The following NCAM2 variants were observed in gnomAD, a reference collection of about 807,000 sequenced individuals.
NCAM2 encodes neural cell adhesion molecule 2.
Under a neutral mutation model 98.1 loss-of-function variants are expected in NCAM2, and 30 were observed. The observed-to-expected ratio is 0.31, with a 90% CI of 0.23 to 0.41. The LOEUF (loss-of-function observed/expected upper bound fraction) is 0.41. NCAM2 is among the 10% of genes least tolerant of loss of function. The probability of loss-of-function intolerance (pLI) is 1.00; values close to 1 mark genes in which losing one functional copy is unlikely to be tolerated. For missense variants in NCAM2, 867 were observed against 1,005.8 expected, an observed-to-expected ratio of 0.86 and a Z score of 1.87; for synonymous variants, 368 against 342.4, an observed-to-expected ratio of 1.07 and a Z score of -0.83.
chr21:21,356,861 A>G (rs1174747916), intron 8 of NCAM2, among the ~76,000 whole-genome samples: 1 of 152,172 alleles, frequency 6.6e-6, no homozygotes, highest in Non-Finnish European at 1.5e-5. Context: ...GTGGTGGCAC[A>G]TGCCTGTAAT....
At chr21:21,518,677 A>T (rs1027086739) in intron 16 of NCAM2, among the ~76,000 whole-genome samples, 6 of 151,660 alleles carry the variant, frequency 4.0e-5, no homozygotes, top group African/African-American at 7.3e-5. Context: ...GTATAGATAG[A>T]GATATATATT....
Position 21,168,697 on chromosome 21 carries a change from A to C in NCAM2, c.56-111881A>C, listed in dbSNP as rs559453245. ...TGAAACTAAAACACATTACTATATTAATACTTTCCAAAATGAAATATTAGA... is the reference window on the plus strand; with the variant it reads ...TGAAACTAAAACACATTACTATATTCATACTTTCCAAAATGAAATATTAGA... On this transcript the variant is annotated intron_variant, in intron 1 of 17. Transcript: ENST00000400546. Among the ~76,000 whole-genome samples, 7 of 151,900 alleles carry C rather than the reference A, an allele frequency of 4.6e-5. No homozygotes were observed. In the South Asian group the frequency reaches 1.5e-3, roughly 32 times the overall value.
At chr21:21,079,571 T>C (rs944058468) in intron 1 of NCAM2, among the ~76,000 whole-genome samples, 2 of 152,192 alleles carry the variant, frequency 1.3e-5, no homozygotes, top group African/African-American at 4.8e-5. Flanking sequence ...GAAAATTCTC[T>C]TGCCCCCTTT....
intron 1 of NCAM2, among the ~76,000 whole-genome samples, chr21:21,145,267 A>T (rs2067247914): frequency 6.6e-6 from 1 of 152,194 alleles, no homozygotes; most frequent in African/African-American, 2.4e-5. Flanking sequence ...TATAACAAGA[A>T]AAACAACAAA....
At chr21:21,001,963 G>T (rs1374982053) in intron 1 of NCAM2, among the ~76,000 whole-genome samples, 1 of 152,124 alleles carries the variant, frequency 6.6e-6, no homozygotes, top group South Asian at 2.1e-4. Context: ...TTACAGGAGA[G>T]AGCTCCACAA....
intron 6 of NCAM2, among the ~76,000 whole-genome samples, chr21:21,335,071 G>T (rs2074822986): frequency 6.6e-6 from 1 of 152,036 alleles, no homozygotes; most frequent in Non-Finnish European, 1.5e-5. Context: ...TGAAGCTTCT[G>T]TGAAGAAATT....
intron 1 of NCAM2, among the ~76,000 whole-genome samples, chr21:21,219,838 G>A (rs2070066434): frequency 6.6e-6 from 1 of 152,128 alleles, no homozygotes; most frequent in South Asian, 2.1e-4. Context: ...GACACGGTGT[G>A]GAGGTAAAAG....
chr21:21,436,561 T>C (rs1409138163), intron 12 of NCAM2, among the ~76,000 whole-genome samples: 1 of 152,160 alleles, frequency 6.6e-6, no homozygotes, highest in Non-Finnish European at 1.5e-5. Flanking sequence ...TTCTCCTAGT[T>C]TATAAACTCC....
intron 1 of NCAM2, among the ~76,000 whole-genome samples, chr21:21,163,674 A>G (rs557407788): frequency 1.7e-4 from 26 of 152,168 alleles, no homozygotes; most frequent in Admixed American, 5.2e-4. Flanking sequence ...TTTTGTTTCT[A>G]TTTGTTTGCT....
chr21:21,236,314 C>T (rs1045974515), intron 1 of NCAM2, among the ~76,000 whole-genome samples: 1 of 152,018 alleles, frequency 6.6e-6, no homozygotes, highest in Non-Finnish European at 1.5e-5. Context: ...TCCCTCTATT[C>T]TCCATGGTGG....
chr21:21,468,352 T>C (rs1983992516), intron 13 of NCAM2, among the ~76,000 whole-genome samples: 1 of 151,100 alleles, frequency 6.6e-6, no homozygotes, highest in Non-Finnish European at 1.5e-5. Context: ...TTAATACTAT[T>C]AATAATAAGA....
Position 21,343,352 on chromosome 21 carries a change from T to TACACACACACACAC in NCAM2, c.1044+4823_1044+4824insCACACACACACACA, listed in dbSNP as rs1207234552. ...AGGACACCAAGTTAACAACTATCTA[T>TACACACACACACAC]ACACATACACACACACACACACACA... On this transcript the variant is annotated intron_variant, in intron 8 of 17. Transcript: ENST00000400546. Among the ~76,000 whole-genome samples, 784 of 110,086 alleles carry TACACACACACACAC rather than the reference T, an allele frequency of 7.1e-3. 6 individuals carry two copies. The highest frequency in any genetic ancestry group is 0.016 in the East Asian group (75 of 4,626). The allele number at this position is 110,086 out of a possible 152,430, so 72.2% of individuals were successfully genotyped here. A position where few individuals can be genotyped will look rare whatever the true frequency, so the allele number is the denominator to read the frequency against.
chr21:21,167,525 C>A (rs1234643149), intron 1 of NCAM2, among the ~76,000 whole-genome samples: 2 of 151,840 alleles, frequency 1.3e-5, no homozygotes. Flanking sequence ...AGAGAAAAAT[C>A]AATGTTTAAT....
intron 14 of NCAM2, among the ~76,000 whole-genome samples, chr21:21,469,983 G>C (rs1316466080): frequency 6.6e-6 from 1 of 151,992 alleles, no homozygotes; most frequent in Non-Finnish European, 1.5e-5. Flanking sequence ...CATGCAGATT[G>C]TTGCTCACAA....
intron 1 of NCAM2, among the ~76,000 whole-genome samples, chr21:21,241,419 T>C (rs1172538651): frequency 2.0e-5 from 3 of 152,222 alleles, no homozygotes; most frequent in Non-Finnish European, 4.4e-5. Context: ...TTGAATTATA[T>C]AGCATATAAA....
intron 9 of NCAM2, among the ~76,000 whole-genome samples, chr21:21,405,416 T>G (rs1395333705): frequency 6.6e-6 from 1 of 152,144 alleles, no homozygotes; most frequent in Non-Finnish European, 1.5e-5. Context: ...TGAAAGTTGA[T>G]TATAGAACCT....
intron 2 of NCAM2, among the ~76,000 whole-genome samples, chr21:21,282,408 T>A (rs2072960202): frequency 4.6e-5 from 7 of 151,858 alleles, no homozygotes; most frequent in Admixed American, 4.6e-4. Context: ...GAATGTAAAC[T>A]AAGTAAGCAT....
chr21:21,393,572 G>C (rs367566151), intron 9 of NCAM2, among the ~76,000 whole-genome samples: 2 of 151,892 alleles, frequency 1.3e-5, no homozygotes, highest in Non-Finnish European at 2.9e-5. Context: ...AATAAACCAA[G>C]ATTTTAATTT....
At chr21:21,102,832 C>G (rs936372470) in intron 1 of NCAM2, among the ~76,000 whole-genome samples, 5 of 151,858 alleles carry the variant, frequency 3.3e-5, no homozygotes, top group South Asian at 2.1e-4. Context: ...GCACCATTCT[C>G]TGTATGTTAT....
Sources: allele counts gnomAD v4.1 joint callset (sites outside exome capture counted in the v4.1 genomes callset), GRCh38; gene constraint gnomAD v4.1.1; transcripts MANE v1.5; gene names NCBI Gene and HGNC (gene_info 2026-07-23, HGNC 2026-07-21).